The following ZNF417 variants were observed in gnomAD, a reference collection of about 807,000 sequenced individuals.
The protein encoded by ZNF417 is zinc finger protein 417.
Under a neutral mutation model 7.4 loss-of-function variants are expected in ZNF417, and 5 were observed. The observed-to-expected ratio is 0.68, with a 90% CI of 0.35 to 1.43. The LOEUF (loss-of-function observed/expected upper bound fraction) is 1.43. Among genes scored for constraint, ZNF417 ranks in the 40% most tolerant of loss-of-function variants. ZNF417 has a pLI of 0.04. For missense variants in ZNF417, 437 were observed against 697.3 expected, an observed-to-expected ratio of 0.63 and a Z score of 4.20; for synonymous variants, 147 against 239.1, an observed-to-expected ratio of 0.61 and a Z score of 3.55.
rs1357800660 is a variant in ZNF417, at chr19:57,908,717, T to C, written c.1561A>G (p.Lys521Glu). ...AAGGATTTTCCACATTCACTGCACT[T>C]ATAAGGCTTTTGTCCAGAATGAACT... Reference protein sequence around the residue: ...KRVHSGQKPYKCSECGKSFAE... With the variant: ...KRVHSGQKPYECSECGKSFAE... The change falls in exon 3 of 3, where the codon AAG (lysine) becomes GAG (glutamate). Residue 521 changes from lysine (K) to glutamate (E), a missense_variant. By Grantham distance (56) the Lys-to-Glu change is moderately conservative. Around this residue, in one of 5 missense-constraint regions of ZNF417, gnomAD observed 233 missense variants for 235.5 expected, o/e 0.99. Coordinates refer to ENST00000312026, the MANE Select transcript of ZNF417 (RefSeq NM_152475.3). 4 of 1,614,034 alleles carry C rather than the reference T, an allele frequency of 2.5e-6. No individual in the cohort carries two copies.
intron 1 of ZNF417, among the ~76,000 whole-genome samples, chr19:57,915,084 C>A (rs1201377501): frequency 1.3e-5 from 2 of 152,118 alleles, no homozygotes; most frequent in Non-Finnish European, 2.9e-5. Context: ...TAAGCTCAGG[C>A]CTCCCTGAAC....
intron 2 of ZNF417, among the ~76,000 whole-genome samples, chr19:57,910,649 C>T (rs1306566417): frequency 6.6e-6 from 1 of 152,116 alleles, no homozygotes; most frequent in African/African-American, 2.4e-5. Context: ...AGAGCACAAG[C>T]ATACAGGCAA....
chr19:57,914,307 G>T (rs754872473), intron 1 of ZNF417, among the ~76,000 whole-genome samples: 2 of 151,440 alleles, frequency 1.3e-5, no homozygotes, highest in African/African-American at 4.9e-5. Context: ...CCAATATGAT[G>T]AAACCCCGTT....
chr19:57,915,595 C>G, intron 1 of ZNF417: 1 of 387,286 alleles, frequency 2.6e-6, no homozygotes, highest in Non-Finnish European at 4.6e-6. Flanking sequence ...TCCAACCTTT[C>G]AGCTGTCCTT....
intron 1 of ZNF417, chr19:57,915,649 C>T (rs769889241): frequency 2.6e-6 from 1 of 381,388 alleles, no homozygotes; most frequent in Non-Finnish European, 4.6e-6. Context: ...GGAAGGAATT[C>T]AGTTCATGGT....
In ZNF417 at chr19:57,907,773, A is replaced by G. The variant is rs2122513145; in HGVS notation, c.*777T>C. The G allele has an allele frequency of 6.5e-6, 1 of 154,634 alleles. No individual in the cohort carries two copies. The highest frequency in any genetic ancestry group is 6.0e-4 in the Middle Eastern group (1 of 1,678). 9.6% of individuals were successfully genotyped at this position (154,634 alleles called of 1,614,324 possible). On this transcript the variant is annotated 3_prime_UTR_variant, in exon 3 of 3. Coordinates refer to ENST00000312026, the MANE Select transcript of ZNF417 (RefSeq NM_152475.3). ...AATCTCACCTTGCTGGCAAGAAACT[A>G]CCATTTCAGCAGAAAGTGCAATGAC...
Position 57,916,586 on chromosome 19 carries a change from C to T in ZNF417, c.-175G>A, listed in dbSNP as rs1430180041. 2.7e-6 allele frequency: 4 copies of T among 1,469,166 alleles called. No homozygotes were observed. Among genetic ancestry groups the T allele is most frequent in the African/African-American group, 1.4e-5 (1 of 70,758 alleles). The allele number at this position is 1,469,166 out of a possible 1,614,324, so 91.0% of individuals were successfully genotyped here. ...AACACCCGCGTCACCGATACACAGC[C>T]GCTACTAGAGACCCCGGAAGTCTCA... is the stretch of plus-strand genomic sequence containing the variant. On this transcript the variant is annotated 5_prime_UTR_variant, in exon 1 of 3. Coordinates refer to ENST00000312026, the MANE Select transcript of ZNF417 (RefSeq NM_152475.3).
intron 1 of ZNF417, among the ~76,000 whole-genome samples, chr19:57,914,140 C>A (rs545489734): frequency 1.3e-5 from 2 of 152,212 alleles, no homozygotes; most frequent in Admixed American, 1.3e-4. Context: ...AGATCAAAAA[C>A]CTTGGGCTCA....
Position 57,908,391 on chromosome 19 carries a change from G to T in ZNF417, c.*159C>A, listed in dbSNP as rs920547334. The T allele has an allele frequency of 1.2e-4, 160 of 1,373,798 alleles. No individual in the cohort carries two copies. The highest frequency in any genetic ancestry group is 1.5e-4 in the Non-Finnish European group (153 of 1,001,846). 85.1% of individuals were successfully genotyped at this position (1,373,798 alleles called of 1,614,324 possible). ...TGCACTCCAGCCTGGGTGACAGAAT[G>T]AGACTCCGTTCCAATGCGAAGTCTC... is the stretch of plus-strand genomic sequence containing the variant. On this transcript the variant is annotated 3_prime_UTR_variant, in exon 3 of 3. Coordinates refer to ENST00000312026, the MANE Select transcript of ZNF417 (RefSeq NM_152475.3).
At chr19:57,916,358 C>A (rs770144765) in intron 1 of ZNF417, 21 bp downstream of exon 1, 3 of 1,614,050 alleles carry the variant, frequency 1.9e-6, no homozygotes, top group African/African-American at 2.7e-5. Flanking sequence ...GACCTGAGGG[C>A]ACAGAAGGCG....
chr19:57,910,980 G>A (rs778876713), intron 2 of ZNF417, among the ~76,000 whole-genome samples: 7 of 152,214 alleles, frequency 4.6e-5, no homozygotes, highest in Non-Finnish European at 1.0e-4. Context: ...GGGAAGCAGA[G>A]GTTGCAATGA....
At chr19:57,914,726 G>A (rs1182999241) in intron 1 of ZNF417, among the ~76,000 whole-genome samples, 1 of 152,136 alleles carries the variant, frequency 6.6e-6, no homozygotes, top group African/African-American at 2.4e-5. Flanking sequence ...ATCACCTTCT[G>A]ACTTTGATCC....
chr19:57,912,438 C>T (rs1459371212), intron 1 of ZNF417, among the ~76,000 whole-genome samples: 8 of 152,122 alleles, frequency 5.3e-5, no homozygotes, highest in Non-Finnish European at 1.0e-4. Context: ...TTCTGAATAG[C>T]GATATCCAAG....
intron 1 of ZNF417, among the ~76,000 whole-genome samples, chr19:57,914,662 G>A (rs1431144178): frequency 6.6e-6 from 1 of 152,118 alleles, no homozygotes; most frequent in African/African-American, 2.4e-5. Context: ...AACCCATAGT[G>A]TGTGCACCAA....
In ZNF417 at chr19:57,909,026, T is replaced by G; in HGVS notation, c.1252A>C (p.Arg418=). The G allele has an allele frequency of 6.2e-7, 1 of 1,613,658 alleles. No homozygotes were observed. Among genetic ancestry groups the G allele is most frequent in the African/African-American group, 1.3e-5 (1 of 74,934 alleles). ...TGTTCAGTGAGGTGGGATCTGTACC[T>G]AAATGATTTCCCACATTCCTTGCAC... ...YECKECGKSF[R]YRSHLTEHQR... Residue 418 remains arginine, a synonymous_variant, in exon 3 of 3, where the codon AGG becomes CGG. Transcript: ENST00000312026.
Position 57,913,937 on chromosome 19 carries a change from A to C in ZNF417, c.34-1748T>G, listed in dbSNP as rs10412925. Among the ~76,000 whole-genome samples, 673 of 152,136 alleles carry C rather than the reference A, an allele frequency of 4.4e-3. 6 individuals carry two copies. Among genetic ancestry groups the C allele is most frequent in the Middle Eastern group, 0.014 (4 of 292 alleles). On this transcript the variant is annotated intron_variant, in intron 1 of 2. Transcript: ENST00000312026. Reference sequence around the variant, plus strand: ...ACTGAAGTTCACCCATTAGCTTTCAAATATTGGATGTCTCCAGTATCAACA... The same window carrying C: ...ACTGAAGTTCACCCATTAGCTTTCACATATTGGATGTCTCCAGTATCAACA...
intron 1 of ZNF417, chr19:57,915,518 T>C: frequency 2.1e-6 from 1 of 466,548 alleles, no homozygotes; most frequent in Non-Finnish European, 4.0e-6. Flanking sequence ...GAAACCGTCT[T>C]TGCAAAATTA....
intron 2 of ZNF417, 138 bp downstream of exon 2, chr19:57,911,922 A>C: frequency 7.0e-7 from 1 of 1,418,550 alleles, no homozygotes; most frequent in Non-Finnish European, 9.3e-7. Flanking sequence ...AGGAAAAGGC[A>C]ATACACACAA....
rs1394904237 is a variant in ZNF417 at position 57,908,591 on chromosome 19, G to C, written c.1687C>G (p.Leu563Val). The stretch of plus-strand genomic sequence containing the variant: ...CTGTGTGAACTCTGATGATGAAGGA[G>C]GGTAGAGCTTCGCTGAAATGTTTTT... ...CGKTFQRSSTLLHHQSSHRRK... is the reference protein window; with the variant it reads ...CGKTFQRSSTVLHHQSSHRRK... The change falls in exon 3 of 3, where the codon CTC (leucine) becomes GTC (valine). Residue 563 changes from leucine to valine, a missense_variant. Physicochemically the swap from Leu to Val is conservative, Grantham distance 32. Transcript: ENST00000312026. The C allele has an allele frequency of 5.0e-6, 8 of 1,613,706 alleles. No homozygotes were observed. The East Asian group carries it at 1.3e-4, about 27-fold the overall frequency.
Sources: gnomAD v4.1 joint callset for allele counts (sites outside exome capture counted in the v4.1 genomes callset) on GRCh38, gnomAD v4.1.1 for gene constraint, gnomAD v4.1.1 regional missense constraint, MANE v1.5 for transcripts, NCBI Gene and HGNC (gene_info 2026-07-23, HGNC 2026-07-21) for gene names.